The following XNDC1N variants were observed in gnomAD, a reference collection of about 807,000 sequenced individuals.
The protein encoded by XNDC1N is protein XNDC1N.
chr11:71,917,306 G>A, the XNDC1N span: 2 of 665,546 alleles, frequency 3.0e-6, no homozygotes, highest in South Asian at 1.6e-5. Context: ...GAGCCACCAC[G>A]CCTGGCCACA....
At chr11:71,893,115 C>A in the XNDC1N span, among the ~76,000 whole-genome samples, 1 of 152,142 alleles carries the variant, frequency 6.6e-6, no homozygotes, top group African/African-American at 2.4e-5. Context: ...AGACTGAGAT[C>A]TTTTTCTTCA....
At chr11:71,928,397 C>T in the XNDC1N span, 1 of 690,110 alleles carries the variant, frequency 1.4e-6, no homozygotes, top group African/African-American at 1.8e-5. Flanking sequence ...GCCACCGTTG[C>T]CTCGGATCTC....
chr11:71,887,580 G>A, the XNDC1N span, among the ~76,000 whole-genome samples: 1 of 152,160 alleles, frequency 6.6e-6, no homozygotes, highest in South Asian at 2.1e-4. Flanking sequence ...GTTAAGACTG[G>A]GGCCCTGCCA....
At chr11:71,896,010 G>A in the XNDC1N span, among the ~76,000 whole-genome samples, 1 of 152,180 alleles carries the variant, frequency 6.6e-6, no homozygotes, top group Non-Finnish European at 1.5e-5. Flanking sequence ...AGGTGTGGTG[G>A]CTCAGGCCTG....
the XNDC1N span, among the ~76,000 whole-genome samples, chr11:71,880,201 T>C: frequency 1.3e-5 from 2 of 152,198 alleles, no homozygotes; most frequent in East Asian, 1.9e-4. Flanking sequence ...CAGTTTAATA[T>C]GTATTTATTA....
At chr11:71,865,675 T>C in the XNDC1N span, 2 of 247,104 alleles carry the variant, frequency 8.1e-6, no homozygotes, top group East Asian at 1.2e-4. Context: ...CCATACAATA[T>C]TGGCCATTTA....
chr11:71,887,302 G>C, the XNDC1N span, among the ~76,000 whole-genome samples: 2 of 152,210 alleles, frequency 1.3e-5, no homozygotes, highest in African/African-American at 4.8e-5. Context: ...AGGATATAAA[G>C]TCATTCATCA....
the XNDC1N span, among the ~76,000 whole-genome samples, chr11:71,874,432 C>T: frequency 1.3e-5 from 2 of 152,070 alleles, no homozygotes; most frequent in Non-Finnish European, 2.9e-5. Flanking sequence ...AGTTTTTGTT[C>T]GTTTTTGTTT....
At chr11:71,909,668 C>T in the XNDC1N span, among the ~76,000 whole-genome samples, 1 of 152,168 alleles carries the variant, frequency 6.6e-6, no homozygotes, top group African/African-American at 2.4e-5. Flanking sequence ...GCCCCCTTAT[C>T]CAAAAAGAAT....
chr11:71,901,131 T>A, the XNDC1N span, among the ~76,000 whole-genome samples: 4 of 152,238 alleles, frequency 2.6e-5, no homozygotes, highest in East Asian at 7.7e-4. Context: ...TGGCACAGGA[T>A]CATTCGGGGC....
the XNDC1N span, among the ~76,000 whole-genome samples, chr11:71,905,142 A>G: frequency 6.6e-6 from 1 of 152,050 alleles, no homozygotes; most frequent in African/African-American, 2.4e-5. Context: ...GTGTTCACAC[A>G]CAATGTGTAC....
the XNDC1N span, among the ~76,000 whole-genome samples, chr11:71,877,151 C>A: frequency 6.6e-6 from 1 of 152,216 alleles, no homozygotes; most frequent in Non-Finnish European, 1.5e-5. Context: ...AGGACCTGCT[C>A]AAATAATGTA....
the XNDC1N span, chr11:71,865,568 G>T: frequency 6.4e-6 from 1 of 157,008 alleles, no homozygotes; most frequent in African/African-American, 2.4e-5. Context: ...AGAAAGCAAA[G>T]GAATAAAAGA....
chr11:71,883,554 C>T, the XNDC1N span, among the ~76,000 whole-genome samples: 11,064 of 152,126 alleles, frequency 0.073, 651 homozygotes, highest in African/African-American at 0.16. Flanking sequence ...AAGAATAAAA[C>T]TGGGCCTGTA....
At chr11:71,910,305 T>C in the XNDC1N span, among the ~76,000 whole-genome samples, 9 of 152,306 alleles carry the variant, frequency 5.9e-5, no homozygotes, top group South Asian at 4.2e-4. Context: ...TGAGGACAGC[T>C]GGTTCACCTG....
At chr11:71,895,239 A>T in the XNDC1N span, among the ~76,000 whole-genome samples, 1 of 152,140 alleles carries the variant, frequency 6.6e-6, no homozygotes, top group East Asian at 1.9e-4. Context: ...ATTATCTTCA[A>T]ATGCATTGTC....
the XNDC1N span, chr11:71,903,227 C>G: frequency 1.2e-6 from 1 of 857,188 alleles, no homozygotes. Context: ...CTCTATATTC[C>G]TTCTCCTCGA....
At chr11:71,895,676 C>T in the XNDC1N span, among the ~76,000 whole-genome samples, 1 of 152,192 alleles carries the variant, frequency 6.6e-6, no homozygotes, top group African/African-American at 2.4e-5. Flanking sequence ...CATTTATACA[C>T]ACATTGATTG....
chr11:71,897,237 A>T, the XNDC1N span, among the ~76,000 whole-genome samples: 3 of 152,242 alleles, frequency 2.0e-5, no homozygotes, highest in Non-Finnish European at 4.4e-5. Flanking sequence ...TGGATTACAT[A>T]TAAATGACAG....
Sources: allele counts gnomAD v4.1 joint callset (sites outside exome capture counted in the v4.1 genomes callset), GRCh38; gene constraint gnomAD v4.1.1; transcripts MANE v1.5; gene names NCBI Gene and HGNC (gene_info 2026-07-23, HGNC 2026-07-21).